CHRDL2: variants seen among roughly 807,000 people sequenced by gnomAD.
CHRDL2 encodes chordin like 2, also known as chordin-like protein 2.
CHRDL2 carries 41 observed loss-of-function variants against 54.3 expected under a neutral mutation model. The ratio of observed to expected loss-of-function variants is 0.76; its 90% CI spans 0.59 to 0.98. The LOEUF (loss-of-function observed/expected upper bound fraction) is 0.98, where lower values mean the gene tolerates loss of function less well. CHRDL2 is among the 50% of genes least tolerant of loss of function. The pLI is 0.00. For missense variants in CHRDL2, 518 were observed against 562.4 expected, an observed-to-expected ratio of 0.92 and a Z score of 0.80; for synonymous variants, 220 against 224.3, an observed-to-expected ratio of 0.98 and a Z score of 0.17.
Position 74,726,638 on chromosome 11 carries a change from G to A in CHRDL2, c.82+4169C>T, listed in dbSNP as rs181177587. On this transcript the variant is annotated intron_variant, in intron 1 of 10. Transcript: ENST00000376332. ...CCCAGAGTCCGGCGCCATGGTTGGC[G>A]GCTGGGGGAACTTGAGAGGCCAGTC... Among the ~76,000 whole-genome samples, 297 of 152,330 alleles carry A rather than the reference G, an allele frequency of 1.9e-3. 1 individual carries two copies. Among genetic ancestry groups the A allele is most frequent in the South Asian group, 6.0e-3 (29 of 4,834 alleles).
chr11:74,717,996 T>C (rs531899349), intron 2 of CHRDL2, among the ~76,000 whole-genome samples: 1 of 152,296 alleles, frequency 6.6e-6, no homozygotes, highest in South Asian at 2.1e-4. Context: ...ACCCAGTTGA[T>C]TTTACAAGGC....
In CHRDL2 at chr11:74,724,246, G is replaced by A. The variant is rs1191029730; in HGVS notation, c.83-5414C>T. On this transcript the variant is annotated intron_variant, in intron 1 of 10. Transcript: ENST00000376332. ...GATGCAAAGGCACAGAGGTGGGAGT[G>A]GATGTGGTTCATGAAGGACACAGAG... 2.6e-5 allele frequency among the ~76,000 whole-genome samples: 4 copies of A among 152,270 alleles called. No individual in the cohort carries two copies. The East Asian group carries it at 5.8e-4, about 22-fold the overall frequency.
At position 74,702,945 on chromosome 11, in the gene CHRDL2, G is replaced by A. The variant is rs1390612475; in HGVS notation, c.969C>T (p.His323=). Residue 323 remains histidine (H), a synonymous_variant, in exon 9 of 11, where the codon CAC becomes CAT. Transcript: ENST00000376332. ...GACACCTGGTAGAACTGATCTCACT[G>A]TGGCCAGGGTCTGCTTTGTCCTCTG... ...ICPEDKADPG[H]SEISSTRCPK... 6.2e-7 allele frequency: 1 copy of A among 1,613,468 alleles called. No individual in the cohort carries two copies. The highest frequency in any genetic ancestry group is 1.3e-5 in the African/African-American group (1 of 74,928).
At chr11:74,708,138 G>C (rs963624156) in intron 5 of CHRDL2, among the ~76,000 whole-genome samples, 164 bp downstream of exon 5, 1 of 152,184 alleles carries the variant, frequency 6.6e-6, no homozygotes, top group Non-Finnish European at 1.5e-5. Flanking sequence ...GCTTCTGCCA[G>C]GCTCTGCTTT....
chr11:74,700,756 C>T (rs1217818546), intron 9 of CHRDL2, among the ~76,000 whole-genome samples: 1 of 151,884 alleles, frequency 6.6e-6, no homozygotes, highest in African/African-American at 2.4e-5. Context: ...CCTCAGCCTC[C>T]TGAGTAGCTG....
At chr11:74,711,757 T>G (rs527893487) in intron 3 of CHRDL2, among the ~76,000 whole-genome samples, 61 of 152,184 alleles carry the variant, frequency 4.0e-4, no homozygotes, top group African/African-American at 1.5e-3. Context: ...GGAGGATCAC[T>G]TGACTCTAGG....
At chr11:74,726,710 C>G (rs1282906602) in intron 1 of CHRDL2, among the ~76,000 whole-genome samples, 1 of 152,200 alleles carries the variant, frequency 6.6e-6, no homozygotes, top group African/African-American at 2.4e-5. Flanking sequence ...TGTTGCCGGG[C>G]TCAGGCTCAG....
At chr11:74,716,877 G>A (rs1040899923) in intron 2 of CHRDL2, among the ~76,000 whole-genome samples, 2 of 152,040 alleles carry the variant, frequency 1.3e-5, no homozygotes, top group East Asian at 1.9e-4. Context: ...TGGGTTTCTC[G>A]AGCTCAGGAG....
intron 2 of CHRDL2, 146 bp downstream of exon 2, chr11:74,718,574 G>C (rs4944942): frequency 0.35 from 211,935 of 609,182 alleles, 37,697 homozygotes; most frequent in South Asian, 0.44. Context: ...ATATTGAGTA[G>C]TCAGTAGTGA....
intron 3 of CHRDL2, 129 bp downstream of exon 3, chr11:74,713,257 C>A (rs1043882042): frequency 1.3e-6 from 1 of 741,512 alleles, no homozygotes; most frequent in South Asian, 1.9e-5. Flanking sequence ...CCCTTGAGCA[C>A]CTTTGTGTGT....
intron 9 of CHRDL2, among the ~76,000 whole-genome samples, chr11:74,698,067 CTT>C (rs11297072): frequency 3.3e-3 from 428 of 130,576 alleles, no homozygotes; most frequent in African/African-American, 4.4e-3. Context: ...ACTTTTTTTT[CTT>C]TTTTTTTTTT....
intron 1 of CHRDL2, among the ~76,000 whole-genome samples, chr11:74,728,048 A>G (rs966442901): frequency 6.6e-6 from 1 of 152,156 alleles, no homozygotes; most frequent in Non-Finnish European, 1.5e-5. Flanking sequence ...ACCTGTGGCC[A>G]AGGTTGGAGG....
At chr11:74,703,210 A>G in intron 8 of CHRDL2, 95 bp downstream of exon 8, 4 of 1,413,938 alleles carry the variant, frequency 2.8e-6, no homozygotes, top group East Asian at 2.3e-5. Flanking sequence ...ATGCCCTTCC[A>G]TGTCTGAGAT....
At position 74,710,769 on chromosome 11, in the gene CHRDL2, C is replaced by T. The variant is rs911009993; in HGVS notation, c.432+80G>A. 3.3e-6 allele frequency: 5 copies of T among 1,500,582 alleles called. No homozygotes were observed. In the African/African-American group the frequency reaches 4.2e-5, roughly 13 times the overall value. 93.0% of individuals were successfully genotyped at this position (1,500,582 alleles called of 1,614,324 possible). ...GCTTTGGCCAGGAGGAACAATCCCCCCAGTCCGCAGTCCAGGCTACTATGT... is the reference window on the plus strand; with the variant it reads ...GCTTTGGCCAGGAGGAACAATCCCCTCAGTCCGCAGTCCAGGCTACTATGT... On this transcript the variant is annotated intron_variant, in intron 4 of 10. Coordinates refer to ENST00000376332, the MANE Select transcript of CHRDL2 (RefSeq NM_001278473.3).
chr11:74,720,255 G>A (rs753552922), intron 1 of CHRDL2: 1 of 152,600 alleles, frequency 6.6e-6, no homozygotes, highest in Non-Finnish European at 1.5e-5. Context: ...TATGATAATT[G>A]TGGTAACAAT....
In CHRDL2 at chr11:74,696,462, T is replaced by C. The variant is rs1170172337; in HGVS notation, c.*47A>G. 2.7e-6 allele frequency: 4 copies of C among 1,457,502 alleles called. No homozygotes were observed. In the East Asian group the frequency reaches 9.1e-5, roughly 33 times the overall value. The allele number at this position is 1,457,502 out of a possible 1,614,324, so 90.3% of individuals were successfully genotyped here. A position where few individuals can be genotyped will look rare whatever the true frequency, so the allele number is the denominator to read the frequency against. On this transcript the variant is annotated 3_prime_UTR_variant, in exon 11 of 11. Coordinates refer to ENST00000376332, the MANE Select transcript of CHRDL2 (RefSeq NM_001278473.3). ...ATGCAACTTCTTATTTATTAATATA[T>C]AATAACAACAATTATACAGCTCATA...
intron 2 of CHRDL2, among the ~76,000 whole-genome samples, chr11:74,713,716 T>C (rs563864071): frequency 1.3e-5 from 2 of 152,336 alleles, no homozygotes; most frequent in East Asian, 1.9e-4. Flanking sequence ...GTTCTGGTCA[T>C]GGACTTGCTT....
At chr11:74,728,139 A>C (rs2034599102) in intron 1 of CHRDL2, among the ~76,000 whole-genome samples, 1 of 152,202 alleles carries the variant, frequency 6.6e-6, no homozygotes, top group Non-Finnish European at 1.5e-5. Flanking sequence ...AAATAGAACC[A>C]AAGAGAGAAT....
chr11:74,718,936 A>C, intron 1 of CHRDL2, 104 bp from the exon 2 acceptor site: 1 of 715,568 alleles, frequency 1.4e-6, no homozygotes, highest in South Asian at 1.8e-5. Flanking sequence ...CATCTGGGCC[A>C]CTCAGGCAAA....
Sources: gnomAD v4.1 joint callset for allele counts (sites outside exome capture counted in the v4.1 genomes callset) on GRCh38, gnomAD v4.1.1 for gene constraint, MANE v1.5 for transcripts, NCBI Gene and HGNC (gene_info 2026-07-23, HGNC 2026-07-21) for gene names.